Variants in CUL3 observed in about 807,000 individuals in gnomAD.
The protein encoded by CUL3 is cullin 3.
Under a neutral mutation model 89.1 loss-of-function variants are expected in CUL3, and 19 were observed. That is an observed-to-expected ratio of 0.21 (90% CI 0.15 to 0.31). The LOEUF (loss-of-function observed/expected upper bound fraction) is 0.31, where lower values mean the gene tolerates loss of function less well. Among genes scored for constraint, CUL3 ranks in the 10% least tolerant of loss-of-function variants. CUL3 has a pLI of 1.00. For synonymous variants in CUL3, 351 were observed against 308.4 expected (o/e 1.14, Z -1.45); for missense variants, 469 against 942.3 (o/e 0.50, Z 6.58).
chr2:224,479,661 T>C (rs1183857132), intron 14 of CUL3: 1 of 152,202 alleles, frequency 6.6e-6, no homozygotes, highest in African/African-American at 2.4e-5. Context: ...ACTACTGAGA[T>C]ATTTGTAAAT....
At chr2:224,583,719 T>C (rs1695498231) in intron 1 of CUL3, among the ~76,000 whole-genome samples, 1 of 152,254 alleles carries the variant, frequency 6.6e-6, no homozygotes. Context: ...GTGTATCCTT[T>C]TAAATTTTAG....
At chr2:224,581,817 CCGA>C (rs1344988092) in intron 1 of CUL3, among the ~76,000 whole-genome samples, 1 of 151,886 alleles carries the variant, frequency 6.6e-6, no homozygotes, top group Non-Finnish European at 1.5e-5. Flanking sequence ...CCTTGCCCGG[CCGA>C]GTGCTTGACA....
chr2:224,565,842 G>C (rs1695029015), intron 1 of CUL3, among the ~76,000 whole-genome samples: 1 of 152,084 alleles, frequency 6.6e-6, no homozygotes, highest in African/African-American at 2.4e-5. Flanking sequence ...TGTAAATCTT[G>C]GGAAGTCATG....
chr2:224,513,792 T>C (rs1304216218), intron 4 of CUL3, among the ~76,000 whole-genome samples, 154 bp from the exon 5 acceptor site: 1 of 152,210 alleles, frequency 6.6e-6, no homozygotes, highest in Non-Finnish European at 1.5e-5. Flanking sequence ...AACGAAAGGA[T>C]TTAGCCTAAT....
chr2:224,505,257 C>T (rs1692555597), intron 8 of CUL3, among the ~76,000 whole-genome samples: 1 of 151,912 alleles, frequency 6.6e-6, no homozygotes, highest in African/African-American at 2.4e-5. Context: ...CCTGCCTCAG[C>T]CTCCTGAGTA....
chr2:224,484,593 T>A (rs1691649805), intron 13 of CUL3, among the ~76,000 whole-genome samples: 1 of 152,228 alleles, frequency 6.6e-6, no homozygotes, highest in Admixed American at 6.5e-5. Flanking sequence ...AATCTGTTAA[T>A]CTTTTCCTTT....
intron 2 of CUL3, among the ~76,000 whole-genome samples, chr2:224,552,788 T>C (rs958903205): frequency 5.3e-5 from 8 of 152,174 alleles, no homozygotes; most frequent in East Asian, 1.9e-4. Flanking sequence ...TAAATAAATA[T>C]ATGGTTCGTC....
chr2:224,539,920 G>C lies in CUL3; in HGVS notation c.265-4279C>G, dbSNP rs1694034319. Among the ~76,000 whole-genome samples the C allele has an allele frequency of 5.9e-5, 9 of 152,254 alleles. 1 individual carries two copies. The South Asian group carries it at 1.9e-3, about 32-fold the overall frequency. The stretch of plus-strand genomic sequence containing the variant: ...AGCCCTCATGTAAACTATGGACTTG[G>C]AGTGATGACGTGTCAATGTAGGTTC... On this transcript the variant is annotated intron_variant, in intron 2 of 15. Coordinates refer to ENST00000264414, the MANE Select transcript of CUL3 (RefSeq NM_003590.5).
At chr2:224,529,161 G>A (rs1693593771) in intron 3 of CUL3, among the ~76,000 whole-genome samples, 1 of 151,986 alleles carries the variant, frequency 6.6e-6, no homozygotes, top group Admixed American at 6.5e-5. Flanking sequence ...CTTATGGATT[G>A]TATCAATAAT....
chr2:224,550,674 A>G (rs1694480037), intron 2 of CUL3, among the ~76,000 whole-genome samples: 1 of 152,198 alleles, frequency 6.6e-6, no homozygotes, highest in South Asian at 2.1e-4. Flanking sequence ...TATTCCCTAC[A>G]AACAATCTGC....
At position 224,472,237 on chromosome 2, in the gene CUL3, CTT is replaced by C. The variant is rs1055802710; in HGVS notation, c.*2006_*2007del. The C allele has an allele frequency of 3.6e-5, 8 of 220,976 alleles. No individual in the cohort carries two copies. Among genetic ancestry groups the C allele is most frequent in the Non-Finnish European group, 5.4e-5 (6 of 110,534 alleles). 13.7% of individuals were successfully genotyped at this position (220,976 alleles called of 1,614,324 possible). On this transcript the variant is annotated 3_prime_UTR_variant, in exon 16 of 16. Coordinates refer to ENST00000264414, the MANE Select transcript of CUL3 (RefSeq NM_003590.5). ...TCTAGATCTGATTTTTACAGCCACA[CTT>C]GAGACAATGACGTAAACTTAAACTT...
At chr2:224,522,681 T>G (rs936576773) in intron 3 of CUL3, among the ~76,000 whole-genome samples, 1 of 152,096 alleles carries the variant, frequency 6.6e-6, no homozygotes, top group South Asian at 2.1e-4. Flanking sequence ...ACAAAAAAAT[T>G]AGCCAGGCGT....
chr2:224,531,445 A>C (rs1454645846), intron 3 of CUL3, among the ~76,000 whole-genome samples: 1 of 151,922 alleles, frequency 6.6e-6, no homozygotes, highest in Non-Finnish European at 1.5e-5. Context: ...TAAAAAAAAA[A>C]ACATACAATA....
Position 224,585,317 on chromosome 2 carries a change from G to GGCT in CUL3, c.-309_-308insAGC. 2.5e-6 allele frequency: 1 copy of GGCT among 402,446 alleles called. No homozygotes were observed. Among genetic ancestry groups the GGCT allele is most frequent in the Non-Finnish European group, 4.4e-6 (1 of 229,508 alleles). 24.9% of individuals were successfully genotyped at this position (402,446 alleles called of 1,614,324 possible). On this transcript the variant is annotated 5_prime_UTR_variant, in exon 1 of 16. Transcript: ENST00000264414. ...CGCGCTCCTCCGCGATGGCGGCGGC[G>GGCT]GCGGCGACGGACAAACATCTCACTG...
Position 224,541,315 on chromosome 2 carries a change from G to C in CUL3, c.265-5674C>G, listed in dbSNP as rs1574674542. ...GACACTTCACCAAAGAGGATATACA[G>C]ATGGCAATTTTGTACATGAACAGAT... On this transcript the variant is annotated intron_variant, in intron 2 of 15. Coordinates refer to ENST00000264414, the MANE Select transcript of CUL3 (RefSeq NM_003590.5). Among the ~76,000 whole-genome samples the C allele has an allele frequency of 2.0e-5, 3 of 152,078 alleles. No homozygotes were observed. The South Asian group carries it at 6.2e-4, about 32-fold the overall frequency.
rs765584852 is a variant in CUL3, at chr2:224,506,965, T to A, written c.922A>T (p.Asn308Tyr). The A allele has an allele frequency of 3.7e-6, 6 of 1,613,556 alleles. No homozygotes were observed. Among genetic ancestry groups the A allele is most frequent in the Non-Finnish European group, 5.1e-6 (6 of 1,179,718 alleles). Residue 308 changes from asparagine to tyrosine, a missense_variant, in exon 7 of 16, where the codon AAT becomes TAT. Physicochemically the swap from Asn to Tyr is moderately radical, Grantham distance 143 (BLOSUM62 -2). Transcript: ENST00000264414. Reference sequence around the variant, plus strand: ...CACTCACACATTGTTTTCAAACCATTTGGCACACGACTAAATAACTTGTAC... The same window carrying A: ...CACTCACACATTGTTTTCAAACCATATGGCACACGACTAAATAACTTGTAC... ...CMYKLFSRVP[N>Y]GLKTMCECMS...
chr2:224,540,497 CA>C (rs1200885282), intron 2 of CUL3, among the ~76,000 whole-genome samples: 1 of 151,942 alleles, frequency 6.6e-6, no homozygotes, highest in Non-Finnish European at 1.5e-5. Flanking sequence ...CACACAAGAT[CA>C]AAAGACAACC....
rs1233559778 is a variant in CUL3, at chr2:224,513,651, G to C, written c.540-13C>G. On this transcript the variant is annotated splice_polypyrimidine_tract_variant and intron_variant, in intron 4 of 15. Transcript: ENST00000264414. ...TCTTATTGCGCCTCTGTCGAAAAAA[G>C]TTATTATCACTTGATAATTAAATTA... The C allele has an allele frequency of 6.6e-7, 1 of 1,510,074 alleles. No homozygotes were observed. The highest frequency in any genetic ancestry group is 8.9e-7 in the Non-Finnish European group (1 of 1,118,816). 93.5% of individuals were successfully genotyped at this position (1,510,074 alleles called of 1,614,324 possible).
intron 3 of CUL3, among the ~76,000 whole-genome samples, chr2:224,518,562 T>A (rs1693150716): frequency 6.6e-6 from 1 of 152,196 alleles, no homozygotes; most frequent in Non-Finnish European, 1.5e-5. Flanking sequence ...GTAAATTTTT[T>A]AATAAAAAAC....
Sources: gnomAD v4.1 joint callset for allele counts (sites outside exome capture counted in the v4.1 genomes callset) on GRCh38, gnomAD v4.1.1 for gene constraint, MANE v1.5 for transcripts, NCBI Gene and HGNC (gene_info 2026-07-23, HGNC 2026-07-21) for gene names.